PPP1R7: variants seen among roughly 807,000 people sequenced by gnomAD.
PPP1R7 encodes the protein protein phosphatase 1 regulatory subunit 7.
In PPP1R7, 18 loss-of-function variants were observed where a neutral mutation model predicts 45.2. The observed-to-expected ratio is 0.40, with a 90% CI of 0.28 to 0.59. The LOEUF is 0.59. Among genes scored for constraint, PPP1R7 ranks in the 20% least tolerant of loss-of-function variants. The pLI is 0.46. For missense variants in PPP1R7, 314 were observed against 455.8 expected (o/e 0.69, Z 2.83); for synonymous variants, 181 against 183.4 (o/e 0.99, Z 0.11).
intron 9 of PPP1R7, among the ~76,000 whole-genome samples, chr2:241,171,986 G>A (rs1347472673): frequency 6.6e-6 from 1 of 152,258 alleles, no homozygotes; most frequent in East Asian, 1.9e-4. Context: ...TCTCCAGTCT[G>A]AGAATCTCTG....
At chr2:241,150,405 A>C, upstream of PPP1R7, 1 of 1,225,094 alleles carries the variant, frequency 8.2e-7, no homozygotes, top group East Asian at 4.5e-5. Context: ...CCGCGCCGGA[A>C]TCCCATTGGC....
intron 4 of PPP1R7, 36 bp downstream of exon 4, chr2:241,158,585 A>C (rs1559418855): frequency 6.3e-7 from 1 of 1,583,224 alleles, no homozygotes; most frequent in Middle Eastern, 1.7e-4. Context: ...TATGACGCTC[A>C]CCCATAGGAT....
At chr2:241,154,128 C>G (rs1213520384) in intron 2 of PPP1R7, among the ~76,000 whole-genome samples, 1 of 131,452 alleles carries the variant, frequency 7.6e-6, no homozygotes, top group Non-Finnish European at 1.5e-5. Flanking sequence ...TGCAGTGAGC[C>G]GAGAACACAC....
intron 2 of PPP1R7, chr2:241,155,088 C>T (rs576747414): frequency 2.6e-5 from 4 of 152,324 alleles, no homozygotes; most frequent in African/African-American, 9.6e-5. Context: ...ATGGAAGCTT[C>T]CGTCATCGCC....
At chr2:241,173,719 C>G (rs1252344506) in intron 9 of PPP1R7, among the ~76,000 whole-genome samples, 1 of 152,184 alleles carries the variant, frequency 6.6e-6, no homozygotes, top group Non-Finnish European at 1.5e-5. Flanking sequence ...CTAGCGAGGC[C>G]CCTGAGGCCA....
chr2:241,159,018 G>T, intron 4 of PPP1R7, 195 bp from the exon 5 acceptor site: 1 of 625,048 alleles, frequency 1.6e-6, no homozygotes. Flanking sequence ...CCCTTCCTCA[G>T]GTGTGTTAAG....
rs551679198 is a variant in PPP1R7 at position 241,152,614 on chromosome 2, T to G, written c.53-862T>G. Among the ~76,000 whole-genome samples, 4 of 152,348 alleles carry G rather than the reference T, an allele frequency of 2.6e-5. No individual in the cohort carries two copies. The East Asian group carries it at 5.8e-4, about 22-fold the overall frequency. Reference sequence around the variant, plus strand: ...TAAGCGGGAAGTACAAAGATGAAGTTGAACTTTTTCCCTCAAAGAGCACAT... The same window carrying G: ...TAAGCGGGAAGTACAAAGATGAAGTGGAACTTTTTCCCTCAAAGAGCACAT... On this transcript the variant is annotated intron_variant, in intron 1 of 9. Transcript: ENST00000234038.
chr2:241,160,274 G>A lies in PPP1R7; in HGVS notation c.435-58G>A, dbSNP rs984421470. On this transcript the variant is annotated intron_variant, in intron 5 of 9. Transcript: ENST00000234038. ...GCCACCTTTAGTGGTTAAATTGTGAGTTCTATGCAACCTATGCTCGTGAAA... is the reference window on the plus strand; with the variant it reads ...GCCACCTTTAGTGGTTAAATTGTGAATTCTATGCAACCTATGCTCGTGAAA... The A allele has an allele frequency of 3.5e-6, 5 of 1,443,882 alleles. No homozygotes were observed. In the Admixed American group the frequency reaches 1.1e-4, roughly 33 times the overall value. 89.4% of individuals were successfully genotyped at this position (1,443,882 alleles called of 1,614,324 possible). A position where few individuals can be genotyped will look rare whatever the true frequency, so the allele number is the denominator to read the frequency against.
chr2:241,182,551 T>C, intron 9 of PPP1R7, 96 bp from the exon 10 acceptor site: 1 of 1,480,436 alleles, frequency 6.8e-7, no homozygotes, highest in Non-Finnish European at 9.3e-7. Flanking sequence ...CTCGCCATCT[T>C]CTGAGTGGGA....
intron 7 of PPP1R7, among the ~76,000 whole-genome samples, 161 bp downstream of exon 7, chr2:241,163,562 T>C (rs2067641917): frequency 6.6e-6 from 1 of 152,226 alleles, no homozygotes; most frequent in African/African-American, 2.4e-5. Context: ...TATACACACA[T>C]GTGCCAAGCA....
Position 241,166,919 on chromosome 2 carries a change from G to A in PPP1R7, c.819+478G>A, listed in dbSNP as rs1014285531. 7.4e-6 allele frequency: 6 copies of A among 808,846 alleles called. No individual in the cohort carries two copies. The African/African-American group carries it at 8.5e-5, about 11-fold the overall frequency. 50.1% of individuals were successfully genotyped at this position (808,846 alleles called of 1,614,324 possible). A position where few individuals can be genotyped will look rare whatever the true frequency, so the allele number is the denominator to read the frequency against. On this transcript the variant is annotated intron_variant, in intron 8 of 9. Coordinates refer to ENST00000234038, the MANE Select transcript of PPP1R7 (RefSeq NM_002712.3). ...ACAGAGAGCACAGGACCAGCTCTCA[G>A]TCCCAGCCCCTTCCTCTTCTTACAG...
chr2:241,178,973 G>A (rs1020416565), intron 9 of PPP1R7, among the ~76,000 whole-genome samples: 2 of 151,954 alleles, frequency 1.3e-5, no homozygotes, highest in African/African-American at 4.8e-5. Context: ...ACATTACTGA[G>A]TTTGGGGTAA....
At chr2:241,176,520 C>T (rs932737189) in intron 9 of PPP1R7, among the ~76,000 whole-genome samples, 9 of 150,896 alleles carry the variant, frequency 6.0e-5, no homozygotes, top group Admixed American at 2.0e-4. Flanking sequence ...TGTAGTGGCA[C>T]GATCTCGGCT....
At chr2:241,163,925 T>C (rs2067651101) in intron 7 of PPP1R7, among the ~76,000 whole-genome samples, 1 of 151,456 alleles carries the variant, frequency 6.6e-6, no homozygotes, top group African/African-American at 2.4e-5. Context: ...TTTCTTTTTT[T>C]TTTAAGAGAC....
chr2:241,171,435 T>G (rs1000813300), intron 9 of PPP1R7, among the ~76,000 whole-genome samples: 3 of 152,202 alleles, frequency 2.0e-5, no homozygotes, highest in Non-Finnish European at 2.9e-5. Flanking sequence ...ATTTTACAGG[T>G]AAAGAATTGC....
In PPP1R7 at chr2:241,158,551, T is replaced by C; in HGVS notation, c.303+2T>C. The stretch of plus-strand genomic sequence containing the variant: ...TTTGAGGTACTGAAGAAAGTGAAGG[T>C]GAGAGGGACTCTTATGAGGGGACTA... On this transcript the variant is annotated splice_donor_variant, in intron 4 of 9. Transcript: ENST00000234038. LOFTEE classifies it high-confidence loss of function. The C allele has an allele frequency of 6.2e-7, 1 of 1,612,156 alleles. No homozygotes were observed. The highest frequency in any genetic ancestry group is 8.5e-7 in the Non-Finnish European group (1 of 1,178,142).
At chr2:241,151,404 G>C in intron 1 of PPP1R7, 1 of 469,466 alleles carries the variant, frequency 2.1e-6, no homozygotes. Context: ...CAGCAGGAAG[G>C]CCTGACATGT....
intron 9 of PPP1R7, 38 bp downstream of exon 9, chr2:241,169,905 C>A: frequency 6.9e-7 from 1 of 1,457,120 alleles, no homozygotes; most frequent in Non-Finnish European, 9.6e-7. Flanking sequence ...GACACTTTGA[C>A]TAAACTGGTC....
chr2:241,179,361 C>T (rs920717601), intron 9 of PPP1R7, among the ~76,000 whole-genome samples: 1 of 152,164 alleles, frequency 6.6e-6, no homozygotes, highest in African/African-American at 2.4e-5. Flanking sequence ...AATTGTGGGA[C>T]CACCTGAAGT....
Sources: allele counts gnomAD v4.1 joint callset (sites outside exome capture counted in the v4.1 genomes callset), GRCh38; gene constraint gnomAD v4.1.1; transcripts MANE v1.5; gene names NCBI Gene and HGNC (gene_info 2026-07-23, HGNC 2026-07-21).